Variants in PRKAG2 observed in about 807,000 individuals in gnomAD.
PRKAG2 encodes the protein 5'-AMP-activated protein kinase subunit gamma-2.
In PRKAG2, 26 loss-of-function variants were observed where a neutral mutation model predicts 69.6. The observed-to-expected ratio is 0.37, with a 90% CI of 0.27 to 0.52. The LOEUF (loss-of-function observed/expected upper bound fraction) is 0.52. Ranked by LOEUF, PRKAG2 falls within the 20% of genes least tolerant of loss-of-function variation. The pLI, the probability that PRKAG2 is intolerant of heterozygous loss-of-function variation, is 0.90. For synonymous variants in PRKAG2, 293 were observed against 285.0 expected (o/e 1.03, Z -0.28); for missense variants, 557 against 740.0 (o/e 0.75, Z 2.87).
At position 151,667,331 on chromosome 7, in the gene PRKAG2, G is replaced by A. The variant is rs79160175; in HGVS notation, c.684+8089C>T. On this transcript the variant is annotated intron_variant, in intron 4 of 15. Transcript: ENST00000287878. ...GTTTGTATCTGAGGGGATGCAAACC[G>A]CAACAATCTACTTTACAGGAAGATT... Among the ~76,000 whole-genome samples, 122 of 152,218 alleles carry A rather than the reference G, an allele frequency of 8.0e-4. 1 individual carries two copies. In the East Asian group the frequency reaches 0.02, roughly 25 times the overall value.
At chr7:151,873,474 C>T (rs1223245751) in intron 1 of PRKAG2, among the ~76,000 whole-genome samples, 1 of 152,160 alleles carries the variant, frequency 6.6e-6, no homozygotes, top group Non-Finnish European at 1.5e-5. Flanking sequence ...GCACAATGAT[C>T]CATAGGTAAT....
chr7:151,763,659 CCT>C (rs2075562939), intron 3 of PRKAG2, among the ~76,000 whole-genome samples: 1 of 152,248 alleles, frequency 6.6e-6, no homozygotes, highest in Non-Finnish European at 1.5e-5. Flanking sequence ...CTGATCGTCC[CCT>C]CTCTTGAGGG....
chr7:151,659,543 C>T lies in PRKAG2; in HGVS notation c.684+15877G>A, dbSNP rs1464881594. Among the ~76,000 whole-genome samples, 3 of 152,328 alleles carry T rather than the reference C, an allele frequency of 2.0e-5. No homozygotes were observed. In the East Asian group the frequency reaches 5.8e-4, roughly 29 times the overall value. On this transcript the variant is annotated intron_variant, in intron 4 of 15. Transcript: ENST00000287878. ...GCAGATATCTTAACACAGGGGTTCA[C>T]ACATGGTGACCGGGCAGACAGATGC...
At chr7:151,740,818 C>A (rs952652683) in intron 3 of PRKAG2, among the ~76,000 whole-genome samples, 1 of 152,120 alleles carries the variant, frequency 6.6e-6, no homozygotes, top group African/African-American at 2.4e-5. Flanking sequence ...GAGGGGGGAA[C>A]CCAGGCCAGG....
At chr7:151,599,965 G>A in intron 5 of PRKAG2, among the ~76,000 whole-genome samples, 1 of 152,088 alleles carries the variant, frequency 6.6e-6, no homozygotes. Context: ...CTCTTCCATG[G>A]GGCCTGACAC....
At chr7:151,623,182 T>A (rs940528131) in intron 5 of PRKAG2, among the ~76,000 whole-genome samples, 1 of 151,744 alleles carries the variant, frequency 6.6e-6, no homozygotes, top group Non-Finnish European at 1.5e-5. Context: ...CTGGCCAACA[T>A]GGTAAAACCC....
intron 5 of PRKAG2, among the ~76,000 whole-genome samples, chr7:151,617,122 T>G (rs189416649): frequency 0.012 from 1,877 of 151,604 alleles, 28 homozygotes; most frequent in African/African-American, 0.043. Flanking sequence ...TTAGCCGGGC[T>G]TGGTGGTGGG....
At chr7:151,604,083 A>G (rs73730212) in intron 5 of PRKAG2, among the ~76,000 whole-genome samples, 6,824 of 152,190 alleles carry the variant, frequency 0.045, 497 homozygotes, top group African/African-American at 0.16. Flanking sequence ...CAAGCCTGCC[A>G]TGGCTTAGAC....
chr7:151,562,244 CAAAAAA>C (rs575674668), intron 14 of PRKAG2, among the ~76,000 whole-genome samples: 1,544 of 38,452 alleles, frequency 0.04, 36 homozygotes, highest in East Asian at 0.25. Flanking sequence ...GACTTTGTCT[CAAAAAA>C]AAAAAAAAAA....
At chr7:151,666,994 A>G (rs1585614244) in intron 4 of PRKAG2, among the ~76,000 whole-genome samples, 2 of 152,278 alleles carry the variant, frequency 1.3e-5, no homozygotes, top group African/African-American at 2.4e-5. Flanking sequence ...ACAACCTTCA[A>G]CTATTAGCCG....
At chr7:151,601,934 G>C (rs1208881978) in intron 5 of PRKAG2, among the ~76,000 whole-genome samples, 1 of 152,228 alleles carries the variant, frequency 6.6e-6, no homozygotes, top group Non-Finnish European at 1.5e-5. Flanking sequence ...AGCAGCGGCT[G>C]TCAGGGAGGG....
At position 151,814,497 on chromosome 7, in the gene PRKAG2, G is replaced by A; in HGVS notation, c.115-27956C>T. Reference sequence around the variant, plus strand: ...CTTGTAAGCTGCTGGATGGCAGGATGCGAGTGACGGGGACGGGCGGCACTC... The same window carrying A: ...CTTGTAAGCTGCTGGATGGCAGGATACGAGTGACGGGGACGGGCGGCACTC... On this transcript the variant is annotated intron_variant, in intron 1 of 15. Coordinates refer to ENST00000287878, the MANE Select transcript of PRKAG2 (RefSeq NM_016203.4). The surrounding 1 kb of genome is among the most constrained non-coding windows in gnomAD (Gnocchi z 4.8). 1.6e-6 allele frequency: 2 copies of A among 1,230,934 alleles called. No individual in the cohort carries two copies. Among genetic ancestry groups the A allele is most frequent in the Non-Finnish European group, 2.0e-6 (2 of 987,930 alleles). 76.3% of individuals were successfully genotyped at this position (1,230,934 alleles called of 1,614,324 possible). A position where few individuals can be genotyped will look rare whatever the true frequency, so the allele number is the denominator to read the frequency against.
intron 1 of PRKAG2, among the ~76,000 whole-genome samples, chr7:151,825,721 ATCCC>A (rs776364701): frequency 1.1e-4 from 16 of 152,016 alleles, no homozygotes; most frequent in Non-Finnish European, 7.4e-5. Flanking sequence ...TTCACGTCCC[ATCCC>A]CTGAGCTGGA....
intron 1 of PRKAG2, among the ~76,000 whole-genome samples, chr7:151,794,311 C>T (rs560112723): frequency 2.0e-5 from 3 of 152,258 alleles, no homozygotes; most frequent in South Asian, 2.1e-4. Flanking sequence ...ATCCCTGGCC[C>T]GGAGTGCCCA....
intron 1 of PRKAG2, among the ~76,000 whole-genome samples, chr7:151,849,848 G>C (rs1256847399): frequency 6.6e-6 from 1 of 152,192 alleles, no homozygotes; most frequent in East Asian, 1.9e-4. Context: ...ACATCTGCCA[G>C]AGACGCCATA....
rs1156998502 is a variant in PRKAG2 at position 151,820,592 on chromosome 7, C to T, written c.115-34051G>A. 2.6e-5 allele frequency among the ~76,000 whole-genome samples: 3 copies of T among 115,604 alleles called. 1 individual carries two copies. Among genetic ancestry groups the T allele is most frequent in the Non-Finnish European group, 3.7e-5 (2 of 53,852 alleles). 75.8% of individuals were successfully genotyped at this position (115,604 alleles called of 152,430 possible). ...TGGCTTCTGCAGGGCACACTCTACT[C>T]GGAACACCGCTCCGTGGCCTGGCCC... On this transcript the variant is annotated intron_variant, in intron 1 of 15. Coordinates refer to ENST00000287878, the MANE Select transcript of PRKAG2 (RefSeq NM_016203.4).
chr7:151,587,671 T>C (rs1403210669), intron 6 of PRKAG2, among the ~76,000 whole-genome samples: 1 of 152,112 alleles, frequency 6.6e-6, no homozygotes, highest in African/African-American at 2.4e-5. Flanking sequence ...GTAGAGGGCA[T>C]TCTGGAAAAT....
chr7:151,624,520 C>A (rs909224877), intron 5 of PRKAG2, among the ~76,000 whole-genome samples: 3 of 152,100 alleles, frequency 2.0e-5, no homozygotes, highest in Non-Finnish European at 2.9e-5. Flanking sequence ...AGTTCCCTTC[C>A]CCCAAAATCG....
intron 15 of PRKAG2, chr7:151,558,012 G>A (rs1804139907): frequency 9.1e-6 from 9 of 985,106 alleles, no homozygotes; most frequent in Non-Finnish European, 1.1e-5. Context: ...CATCACAGGA[G>A]CTTCTCTCCT....
Sources: allele counts gnomAD v4.1 joint callset (sites outside exome capture counted in the v4.1 genomes callset), GRCh38; gene constraint gnomAD v4.1.1; non-coding constraint Gnocchi (gnomAD v3.1); transcripts MANE v1.5; gene names NCBI Gene and HGNC (gene_info 2026-07-23, HGNC 2026-07-21).